The following KLHL14 variants were observed in gnomAD, a reference collection of about 807,000 sequenced individuals.
KLHL14 encodes kelch-like protein 14.
Under a neutral mutation model 64.3 loss-of-function variants are expected in KLHL14, and 22 were observed. That is an observed-to-expected ratio of 0.34 (90% CI 0.24 to 0.49). The LOEUF is 0.49. Ranked by LOEUF, KLHL14 falls within the 20% of genes least tolerant of loss-of-function variation. The pLI is 0.99. For synonymous variants in KLHL14, 322 were observed against 333.4 expected, an observed-to-expected ratio of 0.97 and a Z score of 0.37; for missense variants, 661 against 789.0, an observed-to-expected ratio of 0.84 and a Z score of 1.94.
chr18:32,732,949 A>T (rs1423259600), intron 3 of KLHL14, among the ~76,000 whole-genome samples: 1 of 152,192 alleles, frequency 6.6e-6, no homozygotes, highest in Admixed American at 6.5e-5. Context: ...CCAAGGGAAG[A>T]GGTTGAAAAC....
At chr18:32,761,245 T>C (rs1186764081) in intron 2 of KLHL14, among the ~76,000 whole-genome samples, 4 of 152,178 alleles carry the variant, frequency 2.6e-5, no homozygotes, top group African/African-American at 9.7e-5. Flanking sequence ...GTTTCCACAA[T>C]AGTATTACTT....
Position 32,770,161 on chromosome 18 carries a change from G to A in KLHL14, c.431C>T (p.Thr144Met). The change falls in exon 2 of 9, where the codon ACG becomes ATG. Residue 144 changes from threonine to methionine, a missense_variant. Coordinates refer to ENST00000359358, the MANE Select transcript of KLHL14 (RefSeq NM_020805.3). This position sits in a 1 kb window ranked among gnomAD's most constrained non-coding sequence, Gnocchi z 6.7. ...GLRLVLEYLYTANVTLSLDTV... is the reference protein window; with the variant it reads ...GLRLVLEYLYMANVTLSLDTV... ...GTCCAGGGACAGGGTCACGTTGGCC[G>A]TGTAGAGGTACTCGAGCACCAGGCG... 1.2e-6 allele frequency: 2 copies of A among 1,614,062 alleles called. No homozygotes were observed. The highest frequency in any genetic ancestry group is 1.7e-6 in the Non-Finnish European group (2 of 1,179,978).
At chr18:32,685,330 A>G (rs1466630783) in intron 5 of KLHL14, among the ~76,000 whole-genome samples, 5 of 152,208 alleles carry the variant, frequency 3.3e-5, no homozygotes, top group South Asian at 2.1e-4. Context: ...TAGGGGCTCT[A>G]CAGTGGGATA....
At chr18:32,718,153 G>C (rs1181462467) in intron 3 of KLHL14, among the ~76,000 whole-genome samples, 1 of 152,094 alleles carries the variant, frequency 6.6e-6, no homozygotes, top group Non-Finnish European at 1.5e-5. Context: ...TCTTAAATTA[G>C]CTTTTTAAAC....
chr18:32,726,987 G>T (rs1402545585), intron 3 of KLHL14, among the ~76,000 whole-genome samples: 1 of 152,188 alleles, frequency 6.6e-6, no homozygotes, highest in Non-Finnish European at 1.5e-5. Flanking sequence ...TATGCTTGAG[G>T]GGCAAGCTGG....
chr18:32,747,596 A>G (rs1468540807), intron 2 of KLHL14, among the ~76,000 whole-genome samples: 1 of 152,216 alleles, frequency 6.6e-6, no homozygotes, highest in Non-Finnish European at 1.5e-5. Context: ...TGCAAGTGAT[A>G]GAGAGCAGCT....
chr18:32,703,889 T>C (rs1205827022), intron 3 of KLHL14, among the ~76,000 whole-genome samples: 1 of 152,200 alleles, frequency 6.6e-6, no homozygotes, highest in African/African-American at 2.4e-5. Context: ...TGCCATCTCT[T>C]TCAAAGGTTA....
intron 7 of KLHL14, 60 bp from the exon 8 acceptor site, chr18:32,677,390 G>C: frequency 1.2e-5 from 17 of 1,456,120 alleles, no homozygotes; most frequent in Non-Finnish European, 1.6e-5. Flanking sequence ...CCAATTTAAG[G>C]CTAGGGCTTC....
Position 32,769,652 on chromosome 18 carries a change from C to T in KLHL14, c.940G>A (p.Ala314Thr). The T allele has an allele frequency of 2.4e-6, 3 of 1,241,120 alleles. No individual in the cohort carries two copies. The highest frequency in any genetic ancestry group is 3.2e-6 in the Non-Finnish European group (3 of 950,624). The allele number at this position is 1,241,120 out of a possible 1,614,324, so 76.9% of individuals were successfully genotyped here. The change falls in exon 2 of 9, where the codon GCC (alanine) becomes ACC (threonine). Residue 314 changes from alanine to threonine, a missense_variant. Ala to Thr is a moderately conservative substitution (Grantham distance 58, BLOSUM62 0). Coordinates refer to ENST00000359358, the MANE Select transcript of KLHL14 (RefSeq NM_020805.3). ...PFRQHCRQSL[A>T]SRIRSNKKML... is the part of the protein sequence containing the mutation. The stretch of plus-strand genomic sequence containing the variant: ...CTCTTTGTTGTCTCCTACCTGCTGG[C>T]CAGGCTCTGCCTGCAGTGCTGCCTG...
chr18:32,679,163 G>GAACTTGACGAATGAATATA (rs143124102), intron 7 of KLHL14, among the ~76,000 whole-genome samples: 6,799 of 152,138 alleles, frequency 0.045, 229 homozygotes, highest in African/African-American at 0.096. Context: ...TTCTGAACAT[G>GAACTTGACGAATGAATATA]AACTTGACGA....
At chr18:32,722,649 GA>G (rs974289524) in intron 3 of KLHL14, among the ~76,000 whole-genome samples, 13 of 150,196 alleles carry the variant, frequency 8.7e-5, no homozygotes, top group African/African-American at 2.0e-4. Flanking sequence ...CATGGGAGAG[GA>G]AAAAAAAACA....
intron 8 of KLHL14, 96 bp downstream of exon 8, chr18:32,677,076 TA>T: frequency 1.6e-6 from 2 of 1,286,852 alleles, no homozygotes; most frequent in Non-Finnish European, 2.2e-6. Flanking sequence ...ATGATACTCT[TA>T]AAAGGTACAT....
rs1007350275 is a variant in KLHL14 at position 32,674,466 on chromosome 18, G to A, written c.*191C>T. 8.2e-5 allele frequency: 39 copies of A among 473,780 alleles called. No individual in the cohort carries two copies. The highest frequency in any genetic ancestry group is 5.9e-4 in the African/African-American group (31 of 52,572). 29.3% of individuals were successfully genotyped at this position (473,780 alleles called of 1,614,324 possible). Reference sequence around the variant, plus strand: ...TCTGTCACCACAGGAAGTTTGGTGCGATCTGAGTTATAGACATAGTATCTG... The same window carrying A: ...TCTGTCACCACAGGAAGTTTGGTGCAATCTGAGTTATAGACATAGTATCTG... On this transcript the variant is annotated 3_prime_UTR_variant, in exon 9 of 9. Transcript: ENST00000359358.
intron 2 of KLHL14, among the ~76,000 whole-genome samples, chr18:32,752,955 TTGTGTG>T (rs71177874): frequency 0.046 from 6,581 of 142,322 alleles, 496 homozygotes; most frequent in African/African-American, 0.16. Context: ...AGCATCATAT[TTGTGTG>T]TGTGTGTGTG....
chr18:32,751,306 T>A (rs550183100), intron 2 of KLHL14, among the ~76,000 whole-genome samples: 1 of 152,336 alleles, frequency 6.6e-6, no homozygotes, highest in South Asian at 2.1e-4. Flanking sequence ...TGTATTTAGG[T>A]GTCTTTATCA....
intron 4 of KLHL14, among the ~76,000 whole-genome samples, chr18:32,690,684 G>A (rs1055001729): frequency 3.9e-5 from 6 of 152,146 alleles, no homozygotes; most frequent in South Asian, 2.1e-4. Flanking sequence ...AGCCAAGATC[G>A]CACCACTGCA....
At chr18:32,724,874 A>C (rs540272399) in intron 3 of KLHL14, among the ~76,000 whole-genome samples, 88 of 152,324 alleles carry the variant, frequency 5.8e-4, no homozygotes, top group African/African-American at 2.0e-3. Flanking sequence ...CATCCTCATC[A>C]AGCTAGTTAC....
chr18:32,700,898 G>A (rs879775781), intron 3 of KLHL14, among the ~76,000 whole-genome samples: 2 of 152,114 alleles, frequency 1.3e-5, no homozygotes, highest in African/African-American at 2.4e-5. Flanking sequence ...AGTGAGTAAG[G>A]GAGCTGTGCA....
At chr18:32,771,041 A>T (rs1194085460) in intron 1 of KLHL14, 2 of 330,544 alleles carry the variant, frequency 6.1e-6, no homozygotes, top group Non-Finnish European at 1.2e-5. Context: ...AGATGAAGGG[A>T]AAGGCCGGGA....
Sources: gnomAD v4.1 joint callset for allele counts (sites outside exome capture counted in the v4.1 genomes callset) on GRCh38, gnomAD v4.1.1 for gene constraint, Gnocchi (gnomAD v3.1) non-coding constraint, MANE v1.5 for transcripts, NCBI Gene and HGNC (gene_info 2026-07-23, HGNC 2026-07-21) for gene names.